Variants in C11orf65 observed in about 807,000 individuals in gnomAD.
The protein encoded by C11orf65 is protein MFI.
A neutral mutation model predicts 35.3 loss-of-function variants in C11orf65; 38 were observed. That is an observed-to-expected ratio of 1.08 (90% confidence interval 0.83 to 1.41). The LOEUF (loss-of-function observed/expected upper bound fraction) is 1.41. Among genes scored for constraint, C11orf65 ranks in the 40% most tolerant of loss-of-function variants. The pLI is 0.00. For synonymous variants in C11orf65, 105 were observed against 114.4 expected (o/e 0.92, Z 0.53); for missense variants, 370 against 367.1 (o/e 1.01, Z -0.06).
At chr11:108,329,225 A>G (rs587781838), downstream of C11orf65, 2 of 1,613,116 alleles carry the variant, frequency 1.2e-6, no homozygotes, top group Non-Finnish European at 1.7e-6. Flanking sequence ...GGAACATAAA[A>G]TTCAGACAAA....
chr11:108,319,320 C>T (rs1400441571), intron 6 of C11orf65, among the ~76,000 whole-genome samples: 7 of 152,090 alleles, frequency 4.6e-5, no homozygotes, highest in Admixed American at 3.9e-4. Context: ...ATATACTATT[C>T]TTCTCCTTCC....
At chr11:108,464,711 A>C (rs2093513746) in intron 1 of C11orf65, among the ~76,000 whole-genome samples, 1 of 152,154 alleles carries the variant, frequency 6.6e-6, no homozygotes, top group African/African-American at 2.4e-5. Flanking sequence ...AGAAATTACT[A>C]AGAATGATTG....
chr11:108,443,741 G>T (rs2093201250), intron 2 of C11orf65, among the ~76,000 whole-genome samples: 2 of 152,016 alleles, frequency 1.3e-5, no homozygotes, highest in African/African-American at 4.8e-5. Context: ...ACAAAATGAA[G>T]GCAGAAATAA....
At chr11:108,403,194 A>G (rs1259350829) in intron 6 of C11orf65, among the ~76,000 whole-genome samples, 2 of 152,146 alleles carry the variant, frequency 1.3e-5, no homozygotes, top group African/African-American at 4.8e-5. Context: ...TCTAATTTGC[A>G]TTTGCTCCAT....
Position 108,312,463 on chromosome 11 carries a change from G to A in C11orf65, c.641-3392C>T, listed in dbSNP as rs786203404. On this transcript the variant is annotated intron_variant, in intron 6 of 6. Coordinates refer to the C11orf65 transcript ENST00000525729. ...GAGTACAACTATTTCTAGCTTGAGTGAAAAAAGTAAAGAAGAAACTGGAAT... is the reference window on the plus strand; with the variant it reads ...GAGTACAACTATTTCTAGCTTGAGTAAAAAAAGTAAAGAAGAAACTGGAAT... 9 of 1,594,230 alleles carry A rather than the reference G, an allele frequency of 5.6e-6. No individual in the cohort carries two copies. Among genetic ancestry groups the A allele is most frequent in the Non-Finnish European group, 7.7e-6 (9 of 1,162,550 alleles).
intron 2 of C11orf65, among the ~76,000 whole-genome samples, chr11:108,448,657 G>A (rs1461022358): frequency 6.6e-6 from 1 of 152,122 alleles, no homozygotes; most frequent in African/African-American, 2.4e-5. Flanking sequence ...AGATATCTAT[G>A]ACAATCCCAC....
At chr11:108,417,464 A>C (rs7938073) in intron 3 of C11orf65, among the ~76,000 whole-genome samples, 151,616 of 151,988 alleles carry the variant, frequency 1, 75,622 homozygotes, top group Middle Eastern at 1. Flanking sequence ...GAATGCTTGA[A>C]CCCGGGAGGT....
intron 6 of C11orf65, among the ~76,000 whole-genome samples, chr11:108,321,047 G>C (rs556308455): frequency 6.6e-6 from 1 of 152,194 alleles, no homozygotes; most frequent in South Asian, 2.1e-4. Context: ...AGGAGGAAGG[G>C]TTGGTCTTGC....
chr11:108,383,192 A>G lies in C11orf65; in HGVS notation c.788-17T>C, dbSNP rs778763837. ...ACCTGAATCCTAAAGAGAAGTGACA[A>G]ATGATTAGAAAGATACCAGATATAA... is the stretch of plus-strand genomic sequence containing the variant. On this transcript the variant is annotated splice_polypyrimidine_tract_variant and intron_variant, in intron 8 of 8. Coordinates refer to ENST00000393084, the MANE Select transcript of C11orf65 (RefSeq NM_152587.5). The G allele has an allele frequency of 7.7e-5, 119 of 1,549,830 alleles. No homozygotes were observed. Among genetic ancestry groups the G allele is most frequent in the Non-Finnish European group, 1.0e-4 (117 of 1,144,024 alleles).
chr11:108,446,701 A>T (rs915049261), intron 2 of C11orf65, among the ~76,000 whole-genome samples: 5 of 152,184 alleles, frequency 3.3e-5, no homozygotes, highest in African/African-American at 9.7e-5. Context: ...AAGACCATCA[A>T]GGCTAGGAAG....
chr11:108,406,315 GT>G (rs1226225005), intron 5 of C11orf65, among the ~76,000 whole-genome samples: 4 of 152,070 alleles, frequency 2.6e-5, no homozygotes, highest in Non-Finnish European at 5.9e-5. Context: ...TTTTGTGTTT[GT>G]TTTTGTTGTT....
chr11:108,377,415 G>T (rs577404003), intron 2 of C11orf65, among the ~76,000 whole-genome samples: 4,474 of 151,932 alleles, frequency 0.029, 118 homozygotes, highest in Non-Finnish European at 0.038. Context: ...AAAAGGCCTT[G>T]GACAAAATTC....
At chr11:108,440,508 G>A (rs1007005235) in intron 2 of C11orf65, among the ~76,000 whole-genome samples, 5 of 152,058 alleles carry the variant, frequency 3.3e-5, no homozygotes, top group African/African-American at 1.2e-4. Flanking sequence ...ACACTTATTG[G>A]GCATGGAATA....
chr11:108,403,346 A>G (rs1384514251), intron 6 of C11orf65, among the ~76,000 whole-genome samples: 1 of 145,298 alleles, frequency 6.9e-6, no homozygotes, highest in East Asian at 2.0e-4. Context: ...CTAGGTATGT[A>G]TCTTCACTGA....
chr11:108,353,727 C>A (rs2137281033), intron 2 of C11orf65: 2 of 1,473,242 alleles, frequency 1.4e-6, no homozygotes, highest in Non-Finnish European at 1.9e-6. Context: ...AGTAAATTAG[C>A]TGTCAAACCT....
rs147187700 is a variant in C11orf65 at position 108,310,218 on chromosome 11, G to C, written c.641-1147C>G. The C allele has an allele frequency of 2.5e-4, 410 of 1,613,470 alleles. No homozygotes were observed. Among genetic ancestry groups the C allele is most frequent in the Non-Finnish European group, 3.2e-4 (382 of 1,179,748 alleles). On this transcript the variant is annotated intron_variant, in intron 6 of 6. Transcript: ENST00000525729. Reference sequence around the variant, plus strand: ...CTGGCTGGATTTAAATTATCTAGAAGTTGCCAAGGTAGCTCAGTCTTGTGC... The same window carrying C: ...CTGGCTGGATTTAAATTATCTAGAACTTGCCAAGGTAGCTCAGTCTTGTGC...
chr11:108,410,296 A>C (rs2092631336), intron 3 of C11orf65, among the ~76,000 whole-genome samples: 1 of 152,216 alleles, frequency 6.6e-6, no homozygotes, highest in Non-Finnish European at 1.5e-5. Context: ...TCTTATGACT[A>C]ACCATGCTGA....
At chr11:108,400,522 G>A (rs752066694) in intron 6 of C11orf65, among the ~76,000 whole-genome samples, 3 of 152,102 alleles carry the variant, frequency 2.0e-5, no homozygotes, top group Non-Finnish European at 4.4e-5. Context: ...AAAAACACAC[G>A]GTTCTTTCTG....
chr11:108,376,519 A>G (rs1057387909), intron 2 of C11orf65, among the ~76,000 whole-genome samples: 4 of 152,218 alleles, frequency 2.6e-5, no homozygotes, highest in Middle Eastern at 3.4e-3. Flanking sequence ...TGCCCACAAG[A>G]TAAAGCAGGA....
Sources: allele counts gnomAD v4.1 joint callset (sites outside exome capture counted in the v4.1 genomes callset), GRCh38; gene constraint gnomAD v4.1.1; transcripts MANE v1.5; gene names NCBI Gene and HGNC (gene_info 2026-07-23, HGNC 2026-07-21).